BMAL2: variants seen among roughly 807,000 people sequenced by gnomAD.
The protein encoded by BMAL2 is basic helix-loop-helix ARNT like 2, also known as basic helix-loop-helix ARNT-like protein 2.
the BMAL2 span, among the ~76,000 whole-genome samples, chr12:27,363,495 T>C: frequency 6.6e-6 from 1 of 152,226 alleles, no homozygotes; most frequent in Admixed American, 6.5e-5. Context: ...TATCATCAAA[T>C]TTTTCAATTG....
chr12:27,382,097 A>G, the BMAL2 span, among the ~76,000 whole-genome samples: 1 of 152,348 alleles, frequency 6.6e-6, no homozygotes, highest in Non-Finnish European at 1.5e-5. Flanking sequence ...TCTTATTTTC[A>G]TAACAGTCTG....
At chr12:27,353,029 A>G in the BMAL2 span, among the ~76,000 whole-genome samples, 1 of 151,998 alleles carries the variant, frequency 6.6e-6, no homozygotes, top group Non-Finnish European at 1.5e-5. Flanking sequence ...ATTCAGTGCT[A>G]TTTCTATCAA....
the BMAL2 span, among the ~76,000 whole-genome samples, chr12:27,337,904 C>A: frequency 2.6e-5 from 4 of 152,192 alleles, no homozygotes; most frequent in African/African-American, 9.7e-5. Flanking sequence ...CCCAGAATCT[C>A]CTCGTCACCC....
At chr12:27,420,500 G>A in the BMAL2 span, 4 of 1,609,138 alleles carry the variant, frequency 2.5e-6, no homozygotes, top group Non-Finnish European at 3.4e-6. Flanking sequence ...GGGAGACCCT[G>A]GGGACTTCAG....
chr12:27,395,578 G>A, the BMAL2 span, among the ~76,000 whole-genome samples: 1 of 152,004 alleles, frequency 6.6e-6, no homozygotes, highest in Non-Finnish European at 1.5e-5. Context: ...AAACAACCAA[G>A]CAGCATTCTT....
chr12:27,335,888 T>C, the BMAL2 span, among the ~76,000 whole-genome samples: 1 of 152,230 alleles, frequency 6.6e-6, no homozygotes, highest in East Asian at 1.9e-4. Context: ...GTTTAAAATA[T>C]ATAGGGAAAG....
At chr12:27,342,950 A>G in the BMAL2 span, among the ~76,000 whole-genome samples, 2 of 152,330 alleles carry the variant, frequency 1.3e-5, no homozygotes, top group South Asian at 4.1e-4. Context: ...CCTCTGGGGT[A>G]TGTGGTCATA....
chr12:27,420,623 A>G, the BMAL2 span: 2 of 1,330,946 alleles, frequency 1.5e-6, no homozygotes, highest in South Asian at 1.7e-5. Flanking sequence ...CTGTATTGAT[A>G]TTGTTTGTAT....
chr12:27,422,877 C>T, the BMAL2 span: 10 of 152,272 alleles, frequency 6.6e-5, no homozygotes, highest in South Asian at 2.1e-4. Context: ...GACTTGCCCT[C>T]GTGATGCCAG....
the BMAL2 span, among the ~76,000 whole-genome samples, chr12:27,350,369 T>C: frequency 1.3e-5 from 2 of 152,144 alleles, no homozygotes; most frequent in African/African-American, 4.8e-5. Flanking sequence ...TTTTCTTAAG[T>C]CCCCTAAATA....
At chr12:27,403,632 AATG>A in the BMAL2 span, 2 of 683,600 alleles carry the variant, frequency 2.9e-6, no homozygotes, top group African/African-American at 1.8e-5. Context: ...CCTATATACA[AATG>A]ATAACCAGTT....
chr12:27,420,349 C>T, the BMAL2 span: 7 of 1,605,296 alleles, frequency 4.4e-6, no homozygotes, highest in Non-Finnish European at 5.9e-6. Context: ...AAATGTATGA[C>T]TTTACTGATC....
the BMAL2 span, among the ~76,000 whole-genome samples, chr12:27,393,810 G>A: frequency 5.6e-4 from 86 of 152,348 alleles, no homozygotes; most frequent in African/African-American, 1.9e-3. Flanking sequence ...CCTTATGTGA[G>A]ATGGCCCTAA....
chr12:27,367,607 G>A, the BMAL2 span, among the ~76,000 whole-genome samples: 12 of 152,086 alleles, frequency 7.9e-5, no homozygotes, highest in East Asian at 2.3e-3. Context: ...TGTGTTTTCT[G>A]TGTTTTCTAC....
At chr12:27,369,031 G>A in the BMAL2 span, among the ~76,000 whole-genome samples, 1 of 152,210 alleles carries the variant, frequency 6.6e-6, no homozygotes, top group Non-Finnish European at 1.5e-5. Flanking sequence ...TACTAGCTAC[G>A]CAGGCGGCTG....
chr12:27,363,495 T>G, the BMAL2 span, among the ~76,000 whole-genome samples: 11 of 152,344 alleles, frequency 7.2e-5, no homozygotes, highest in South Asian at 2.3e-3. Flanking sequence ...TATCATCAAA[T>G]TTTTCAATTG....
chr12:27,411,577 A>G, the BMAL2 span, among the ~76,000 whole-genome samples: 1 of 151,982 alleles, frequency 6.6e-6, no homozygotes, highest in Non-Finnish European at 1.5e-5. Context: ...AGTCATTATC[A>G]TTTTCCTACT....
chr12:27,390,610 A>C, the BMAL2 span: 146 of 164,742 alleles, frequency 8.9e-4, 2 homozygotes, highest in South Asian at 0.02. Flanking sequence ...CAAGAGCCTG[A>C]TTTGACTAAT....
At chr12:27,412,963 G>A in the BMAL2 span, among the ~76,000 whole-genome samples, 4 of 151,814 alleles carry the variant, frequency 2.6e-5, no homozygotes, top group East Asian at 7.7e-4. Flanking sequence ...CTTGCAGGCC[G>A]GGAGAGAATA....
Sources: allele counts gnomAD v4.1 joint callset (sites outside exome capture counted in the v4.1 genomes callset), GRCh38; gene constraint gnomAD v4.1.1; transcripts MANE v1.5; gene names NCBI Gene and HGNC (gene_info 2026-07-23, HGNC 2026-07-21).